ABCB5: variants seen among roughly 807,000 people sequenced by gnomAD.
The protein encoded by ABCB5 is ATP-binding cassette sub-family B member 5.
In ABCB5, 155 loss-of-function variants were observed where a neutral mutation model predicts 144.2. The observed-to-expected ratio is 1.08, with a 90% confidence interval of 0.94 to 1.23. The LOEUF is 1.23. Among genes scored for constraint, ABCB5 ranks in the 50% most tolerant of loss-of-function variants. The probability of loss-of-function intolerance (pLI) is 0.00; values close to 1 mark genes in which losing one functional copy is unlikely to be tolerated. For missense variants in ABCB5, 1,830 were observed against 1,520.8 expected (o/e 1.20, Z -3.38); for synonymous variants, 610 against 528.6 (o/e 1.15, Z -2.11).
intron 4 of ABCB5, among the ~76,000 whole-genome samples, chr7:20,630,182 TA>T (rs1784008858): frequency 6.6e-6 from 1 of 152,174 alleles, no homozygotes; most frequent in South Asian, 2.1e-4. Context: ...TTCCTGATTT[TA>T]TATGCTTTTC....
intron 13 of ABCB5, among the ~76,000 whole-genome samples, chr7:20,656,937 TG>T (rs1278033420): frequency 1.4e-5 from 2 of 143,944 alleles, no homozygotes; most frequent in Non-Finnish European, 3.0e-5. Context: ...TTTTTTGATA[TG>T]GGGTCTCACT....
At chr7:20,693,769 G>GA (rs946943415) in intron 16 of ABCB5, among the ~76,000 whole-genome samples, 23 of 150,846 alleles carry the variant, frequency 1.5e-4, no homozygotes, top group African/African-American at 5.6e-4. Flanking sequence ...CACTGAGCAA[G>GA]AAAAAAAAGA....
At chr7:20,658,341 T>C (rs561277577) in intron 13 of ABCB5, among the ~76,000 whole-genome samples, 165 bp from the exon 14 acceptor site, 4,617 of 151,590 alleles carry the variant, frequency 0.03, 269 homozygotes, top group African/African-American at 0.11. Context: ...TTTTTTTTTT[T>C]ACAGCGGTTT....
chr7:20,729,137 G>A (rs967469187), intron 23 of ABCB5, among the ~76,000 whole-genome samples: 2 of 152,078 alleles, frequency 1.3e-5, no homozygotes, highest in African/African-American at 4.8e-5. Context: ...TGATTAAATC[G>A]AGCTAAGTGT....
chr7:20,670,199 G>A (rs912720449), intron 14 of ABCB5, among the ~76,000 whole-genome samples: 10 of 152,136 alleles, frequency 6.6e-5, no homozygotes, highest in African/African-American at 2.4e-4. Flanking sequence ...GAAAAAGAAC[G>A]TGAGTTGAAA....
intron 24 of ABCB5, among the ~76,000 whole-genome samples, chr7:20,741,257 G>A (rs1227689530): frequency 6.6e-6 from 1 of 151,822 alleles, no homozygotes; most frequent in Non-Finnish European, 1.5e-5. Context: ...AAAATCGTAA[G>A]AATAAATTTT....
intron 23 of ABCB5, among the ~76,000 whole-genome samples, chr7:20,731,369 A>AAATAT (rs57305244): frequency 2.2e-3 from 274 of 123,070 alleles, no homozygotes; most frequent in Middle Eastern, 7.8e-3. Flanking sequence ...AAAAAAAAAA[A>AAATAT]ATATATATAT....
At chr7:20,745,541 G>A (rs1166922991) in intron 26 of ABCB5, 103 bp downstream of exon 26, 3 of 1,029,784 alleles carry the variant, frequency 2.9e-6, no homozygotes, top group East Asian at 2.6e-5. Flanking sequence ...ATTATACAAT[G>A]TATTTATTGC....
In ABCB5 at chr7:20,645,933, C is replaced by T. The variant is rs369263006; in HGVS notation, c.804-28C>T. The T allele has an allele frequency of 2.2e-5, 35 of 1,612,342 alleles. No homozygotes were observed. In the Middle Eastern group the frequency reaches 6.6e-4, roughly 30 times the overall value. On this transcript the variant is annotated intron_variant, in intron 8 of 27. Coordinates refer to ENST00000404938, the MANE Select transcript of ABCB5 (RefSeq NM_001163941.2). ...TGCTTGGTTTTATTTTCCCCAGTGG[C>T]TACTAAGTTGTGTTCTGTTTTTGTA...
At chr7:20,646,480 T>C (rs1379766046) in intron 9 of ABCB5, among the ~76,000 whole-genome samples, 1 of 152,174 alleles carries the variant, frequency 6.6e-6, no homozygotes, top group Non-Finnish European at 1.5e-5. Flanking sequence ...TGGGCTGAGA[T>C]CAGACGGAGT....
At chr7:20,676,697 A>ATATTG (rs1583418177) in intron 14 of ABCB5, among the ~76,000 whole-genome samples, 1 of 152,182 alleles carries the variant, frequency 6.6e-6, no homozygotes, top group East Asian at 1.9e-4. Flanking sequence ...ATAGTTGGCA[A>ATATTG]TATTGTATTG....
chr7:20,709,968 G>A (rs984982161), intron 20 of ABCB5, among the ~76,000 whole-genome samples: 6 of 148,502 alleles, frequency 4.0e-5, no homozygotes, highest in Non-Finnish European at 7.5e-5. Flanking sequence ...ACAGCCACTC[G>A]GGAGGCTGAA....
chr7:20,689,524 A>T (rs769850470), intron 16 of ABCB5, among the ~76,000 whole-genome samples: 1 of 152,216 alleles, frequency 6.6e-6, no homozygotes, highest in Non-Finnish European at 1.5e-5. Flanking sequence ...TGCAGGCATT[A>T]GTGACCTGGC....
At chr7:20,651,916 A>T (rs975454667) in intron 13 of ABCB5, among the ~76,000 whole-genome samples, 1 of 152,144 alleles carries the variant, frequency 6.6e-6, no homozygotes, top group East Asian at 1.9e-4. Flanking sequence ...TCTTCTTTCA[A>T]TGTGGCCCAG....
In ABCB5 at chr7:20,715,475, A is replaced by C. The variant is rs10251502; in HGVS notation, c.2422-7541A>C. ...ACCCAAGTTAGAGTGCAGTTGCATG[A>C]TCCTAGTTCACTGCAACCTCAAACT... On this transcript the variant is annotated intron_variant, in intron 20 of 27. Transcript: ENST00000404938. Among the ~76,000 whole-genome samples, 196 of 152,092 alleles carry C rather than the reference A, an allele frequency of 1.3e-3. 1 individual carries two copies. In the Middle Eastern group the frequency reaches 0.027, roughly 21 times the overall value.
chr7:20,733,929 C>A (rs1782304868), intron 23 of ABCB5, among the ~76,000 whole-genome samples: 1 of 152,154 alleles, frequency 6.6e-6, no homozygotes, highest in African/African-American at 2.4e-5. Flanking sequence ...TGTAAGCCAC[C>A]ACACCCAGCC....
At position 20,677,172 on chromosome 7, in the gene ABCB5, G is replaced by A. The variant is rs377444121; in HGVS notation, c.1708-4333G>A. ...TAAAACTTGTTCAGCTATTCATGCA[G>A]TGTGATAATTTGCTTTTAAATTAAA... is the stretch of plus-strand genomic sequence containing the variant. On this transcript the variant is annotated intron_variant, in intron 14 of 27. Coordinates refer to ENST00000404938, the MANE Select transcript of ABCB5 (RefSeq NM_001163941.2). Among the ~76,000 whole-genome samples the A allele has an allele frequency of 2.6e-5, 4 of 152,074 alleles. No homozygotes were observed. The South Asian group carries it at 8.3e-4, about 31-fold the overall frequency.
intron 1 of ABCB5, among the ~76,000 whole-genome samples, chr7:20,618,773 T>C (rs1562524000): frequency 2.4e-5 from 3 of 125,108 alleles, no homozygotes; most frequent in Admixed American, 8.0e-5. Flanking sequence ...TCTTTTTTTT[T>C]TTTTTTTTTT....
Position 20,753,519 on chromosome 7 carries a change from T to C in ABCB5, c.3576+13T>C. The C allele has an allele frequency of 6.2e-7, 1 of 1,607,142 alleles. No homozygotes were observed. Among genetic ancestry groups the C allele is most frequent in the Admixed American group, 1.7e-5 (1 of 58,512 alleles). ...TGACAGTGAGAAGGTAACATCATTT[T>C]CTTTTATCTCAGAATATAATACCAA... On this transcript the variant is annotated intron_variant, in intron 27 of 27. Coordinates refer to ENST00000404938, the MANE Select transcript of ABCB5 (RefSeq NM_001163941.2).
Sources: gnomAD v4.1 joint callset for allele counts (sites outside exome capture counted in the v4.1 genomes callset) on GRCh38, gnomAD v4.1.1 for gene constraint, MANE v1.5 for transcripts, NCBI Gene and HGNC (gene_info 2026-07-23, HGNC 2026-07-21) for gene names.